The following CDC25A variants were observed in gnomAD, a reference collection of about 807,000 sequenced individuals.
CDC25A encodes the protein cell division cycle 25A.
Under a neutral mutation model 64.6 loss-of-function variants are expected in CDC25A, and 17 were observed. The ratio of observed to expected loss-of-function variants is 0.26; its 90% CI spans 0.18 to 0.39. CDC25A has a LOEUF of 0.39. Ranked by LOEUF, CDC25A falls within the 10% of genes least tolerant of loss-of-function variation. The pLI, the probability that CDC25A is intolerant of heterozygous loss-of-function variation, is 1.00. For missense variants in CDC25A, 473 were observed against 654.8 expected (o/e 0.72, Z 3.03); for synonymous variants, 229 against 238.6 (o/e 0.96, Z 0.37).
intron 8 of CDC25A, among the ~76,000 whole-genome samples, chr3:48,176,881 G>C (rs556508474): frequency 1.7e-4 from 26 of 151,578 alleles, no homozygotes; most frequent in Admixed American, 1.7e-3. Context: ...TGAGGCAGGA[G>C]AATCACTTGA....
intron 9 of CDC25A, among the ~76,000 whole-genome samples, chr3:48,168,405 C>T (rs1026889304): frequency 1.3e-5 from 2 of 149,174 alleles, no homozygotes; most frequent in African/African-American, 4.9e-5. Flanking sequence ...CACACACACA[C>T]ACAAGCTGGG....
At chr3:48,162,295 T>TGA (rs756699835) in intron 13 of CDC25A, among the ~76,000 whole-genome samples, 2 of 151,204 alleles carry the variant, frequency 1.3e-5, no homozygotes, top group African/African-American at 2.5e-5. Flanking sequence ...TGTGTGTGTG[T>TGA]GTGAGAGAGA....
At chr3:48,185,287 T>A (rs2032807004) in intron 2 of CDC25A, among the ~76,000 whole-genome samples, 1 of 151,994 alleles carries the variant, frequency 6.6e-6, no homozygotes, top group Non-Finnish European at 1.5e-5. Flanking sequence ...TGGTGGCACG[T>A]GTCTGTAGTC....
chr3:48,159,073 G>A lies in CDC25A; in HGVS notation c.1447C>T (p.Pro483Ser). 1.2e-6 allele frequency: 2 copies of A among 1,614,084 alleles called. No homozygotes were observed. The highest frequency in any genetic ancestry group is 1.7e-6 in the Non-Finnish European group (2 of 1,179,986). Residue 483 changes from proline to serine, a missense_variant, in exon 15 of 15, where the codon CCC (proline) becomes TCC (serine). By Grantham distance (74) the Pro-to-Ser change is moderately conservative. This residue lies in a region of CDC25A where 97 missense variants were observed against 223.0 expected (regional missense o/e 0.43). Transcript: ENST00000302506. ...FFMKCQSYCE[P>S]PSYRPMHHED... ...TGGTGCATGGGCCGGTAGCTAGGGG[G>A]CTCACAGTAAGACTGAGGGGACAGG... is the stretch of plus-strand genomic sequence containing the variant.
chr3:48,159,069 G>C lies in CDC25A; in HGVS notation c.1451C>G (p.Pro484Arg), dbSNP rs1694248316. ...CTCGTGGTGCATGGGCCGGTAGCTA[G>C]GGGGCTCACAGTAAGACTGAGGGGA... ...FMKCQSYCEP[P>R]SYRPMHHEDF... Residue 484 changes from proline to arginine, a missense_variant, in exon 15 of 15, where the codon CCT becomes CGT. Pro to Arg is a moderately radical substitution (Grantham distance 103). Around this residue, in one of 2 missense-constraint regions of CDC25A, gnomAD observed 97 missense variants for 223.0 expected, o/e 0.43. Coordinates refer to ENST00000302506, the MANE Select transcript of CDC25A (RefSeq NM_001789.3). The C allele has an allele frequency of 6.2e-7, 1 of 1,614,096 alleles. No homozygotes were observed.
At chr3:48,175,158 G>A (rs191831380) in intron 8 of CDC25A, among the ~76,000 whole-genome samples, 37 of 152,280 alleles carry the variant, frequency 2.4e-4, no homozygotes, top group African/African-American at 8.4e-4. Context: ...TTAGCCAGGT[G>A]TGGTGGTGCG....
In CDC25A at chr3:48,187,974, C is replaced by T; in HGVS notation, c.-27G>A. The T allele has an allele frequency of 7.0e-7, 1 of 1,433,984 alleles. No individual in the cohort carries two copies. Among genetic ancestry groups the T allele is most frequent in the East Asian group, 2.9e-5 (1 of 33,990 alleles). 88.8% of individuals were successfully genotyped at this position (1,433,984 alleles called of 1,614,324 possible). A position where few individuals can be genotyped will look rare whatever the true frequency, so the allele number is the denominator to read the frequency against. On this transcript the variant is annotated 5_prime_UTR_variant, in exon 1 of 15. Coordinates refer to ENST00000302506, the MANE Select transcript of CDC25A (RefSeq NM_001789.3). Reference sequence around the variant, plus strand: ...GCGGCGCCCGGCCTCGCAGAGCTCCCGCTCCCTCTTCCTCTGCCTCCGCCG... The same window carrying T: ...GCGGCGCCCGGCCTCGCAGAGCTCCTGCTCCCTCTTCCTCTGCCTCCGCCG...
chr3:48,167,709 CTACCTT>C, intron 10 of CDC25A, 131 bp downstream of exon 10: 1 of 610,238 alleles, frequency 1.6e-6, no homozygotes, highest in Non-Finnish European at 3.0e-6. Context: ...GTTTGCTTCC[CTACCTT>C]TAACATTCTT....
At chr3:48,168,841 C>T (rs1334065280) in intron 9 of CDC25A, among the ~76,000 whole-genome samples, 2 of 151,834 alleles carry the variant, frequency 1.3e-5, no homozygotes, top group Non-Finnish European at 2.9e-5. Flanking sequence ...TTAGTAGAGA[C>T]GGGGTTTCAC....
chr3:48,187,795 C>G lies in CDC25A; in HGVS notation c.153G>C (p.Gln51His), dbSNP rs1428867403. Residue 51 changes from glutamine (Q) to histidine (H), a missense_variant, in exon 1 of 15, where the codon CAG becomes CAC. Transcript: ENST00000302506. ...PVTNLTVTMDQLQGLGSDYEQ... is the reference protein window; with the variant it reads ...PVTNLTVTMDHLQGLGSDYEQ... Reference sequence around the variant, plus strand: ...CTCCTTACCTGCCCAGACCCTGCAGCTGGTCCATAGTGACGGTCAGGTTGG... The same window carrying G: ...CTCCTTACCTGCCCAGACCCTGCAGGTGGTCCATAGTGACGGTCAGGTTGG... The G allele has an allele frequency of 3.2e-6, 5 of 1,547,998 alleles. No individual in the cohort carries two copies. The highest frequency in any genetic ancestry group is 2.6e-6 in the Non-Finnish European group (3 of 1,145,254).
At chr3:48,177,830 AAC>A (rs3731514) in intron 7 of CDC25A, 22 bp downstream of exon 7, 1,266,512 of 1,472,962 alleles carry the variant, frequency 0.86, 531,524 homozygotes, top group Non-Finnish European at 0.87. Flanking sequence ...AACAAATAGG[AAC>A]ACACACACAC....
At chr3:48,179,883 G>A (rs554451121) in intron 6 of CDC25A, among the ~76,000 whole-genome samples, 2 of 152,298 alleles carry the variant, frequency 1.3e-5, no homozygotes, top group African/African-American at 4.8e-5. Flanking sequence ...TCAGATTTAA[G>A]ATCCTAGGTA....
At chr3:48,163,591 C>A (rs1482790825) in intron 13 of CDC25A, among the ~76,000 whole-genome samples, 1 of 149,962 alleles carries the variant, frequency 6.7e-6, no homozygotes, top group African/African-American at 2.5e-5. Context: ...GCAACAAGAG[C>A]AAAACTCCGT....
chr3:48,185,619 T>C (rs1480829732), intron 2 of CDC25A, among the ~76,000 whole-genome samples: 1 of 152,044 alleles, frequency 6.6e-6, no homozygotes, highest in Non-Finnish European at 1.5e-5. Flanking sequence ...AGTTGAGACC[T>C]TGTCTCAAAA....
intron 13 of CDC25A, 125 bp downstream of exon 13, chr3:48,164,182 C>T: frequency 1.2e-6 from 1 of 832,230 alleles, no homozygotes; most frequent in East Asian, 2.9e-5. Context: ...ATGAAAATGG[C>T]TTGTTATGTG....
In CDC25A at chr3:48,186,798, A is replaced by G; in HGVS notation, c.171-19T>C. The stretch of plus-strand genomic sequence containing the variant: ...ATAATCACTGAAACCAACAGAAATA[A>G]ACCATGAATGATTTATAGGATATAA... On this transcript the variant is annotated intron_variant, in intron 1 of 14. Transcript: ENST00000302506. The G allele has an allele frequency of 2.0e-6, 3 of 1,515,600 alleles. No homozygotes were observed. The highest frequency in any genetic ancestry group is 2.7e-6 in the Non-Finnish European group (3 of 1,099,302). The allele number at this position is 1,515,600 out of a possible 1,614,324, so 93.9% of individuals were successfully genotyped here.
At chr3:48,168,360 C>CCACACACACACACACACACA (rs58104019) in intron 9 of CDC25A, among the ~76,000 whole-genome samples, 44 of 106,604 alleles carry the variant, frequency 4.1e-4, no homozygotes, top group East Asian at 1.9e-3. Flanking sequence ...AAGACCCTGT[C>CCACACACACACACACACACA]CACACACACA....
rs770575798 is a variant in CDC25A, at chr3:48,184,714, CCT to C, written c.248-21_248-20del. 5.9e-6 allele frequency: 9 copies of C among 1,537,496 alleles called. No individual in the cohort carries two copies. Among genetic ancestry groups the C allele is most frequent in the Non-Finnish European group, 7.9e-6 (9 of 1,133,008 alleles). ...CAGAAACCTATGGGGAAAAAAAAAA[CCT>C]CTCAAGAAATAATACAAAAAACACC... On this transcript the variant is annotated intron_variant, in intron 2 of 14. Transcript: ENST00000302506.
At chr3:48,178,520 T>C (rs1042369643) in intron 6 of CDC25A, among the ~76,000 whole-genome samples, 4 of 152,234 alleles carry the variant, frequency 2.6e-5, no homozygotes, top group African/African-American at 9.6e-5. Flanking sequence ...GAGGAATTAC[T>C]GTGTGCCAGA....
Sources: gnomAD v4.1 joint callset for allele counts (sites outside exome capture counted in the v4.1 genomes callset) on GRCh38, gnomAD v4.1.1 for gene constraint, gnomAD v4.1.1 regional missense constraint, MANE v1.5 for transcripts, NCBI Gene and HGNC (gene_info 2026-07-23, HGNC 2026-07-21) for gene names.